The following TMPO variants were observed in gnomAD, a reference collection of about 807,000 sequenced individuals.
TMPO encodes the protein thymopoietin.
A neutral mutation model predicts 45.4 loss-of-function variants in TMPO; 22 were observed. The ratio of observed to expected loss-of-function variants is 0.48; its 90% CI spans 0.35 to 0.69. The LOEUF is 0.69. Among genes scored for constraint, TMPO ranks in the 30% least tolerant of loss-of-function variants. The probability of loss-of-function intolerance (pLI) is 0.01; values close to 1 mark genes in which losing one functional copy is unlikely to be tolerated. For synonymous variants in TMPO, 241 were observed against 204.1 expected (o/e 1.18, Z -1.54); for missense variants, 512 against 548.8 (o/e 0.93, Z 0.67).
At position 98,515,936 on chromosome 12, in the gene TMPO, C is replaced by CCT; in HGVS notation, c.69_70insCT (p.Asn24LeufsTer3). 1 of 1,613,716 alleles carries CCT rather than the reference C, an allele frequency of 6.2e-7. No individual in the cohort carries two copies. Among genetic ancestry groups the CCT allele is most frequent in the Non-Finnish European group, 8.5e-7 (1 of 1,179,872 alleles). On this transcript the variant is annotated frameshift_variant, in exon 1 of 9. Transcript: ENST00000556029. LOFTEE classifies it high-confidence loss of function. ...AGTTGAAGAGTGAGTTGGTCGCCAACAATGTGACGCTGCCGGCCGGGGAGC... is the reference window on the plus strand; with the variant it reads ...AGTTGAAGAGTGAGTTGGTCGCCAACCTAATGTGACGCTGCCGGCCGGGGAGC...
At chr12:98,527,267 G>A (rs1876835614) in intron 1 of TMPO, among the ~76,000 whole-genome samples, 1 of 147,946 alleles carries the variant, frequency 6.8e-6, no homozygotes, top group South Asian at 2.1e-4. Context: ...GGAGGCCAAG[G>A]TGGGCTGATC....
At chr12:98,518,632 C>T (rs1427802203) in intron 1 of TMPO, among the ~76,000 whole-genome samples, 2 of 151,900 alleles carry the variant, frequency 1.3e-5, no homozygotes, top group Admixed American at 6.6e-5. Flanking sequence ...TAATGTTTTC[C>T]TATCAGCCAC....
chr12:98,535,853 T>C (rs1324960366), intron 3 of TMPO, among the ~76,000 whole-genome samples: 1 of 152,206 alleles, frequency 6.6e-6, no homozygotes, highest in Non-Finnish European at 1.5e-5. Context: ...ATAAGAGGAA[T>C]TAATCTGTAA....
In TMPO at chr12:98,516,205, G is replaced by T. The variant is rs1017860981; in HGVS notation, c.279+59G>T. 9.9e-6 allele frequency: 13 copies of T among 1,318,034 alleles called. No homozygotes were observed. In the African/African-American group the frequency reaches 1.9e-4, roughly 19 times the overall value. 81.6% of individuals were successfully genotyped at this position (1,318,034 alleles called of 1,614,324 possible). On this transcript the variant is annotated intron_variant, in intron 1 of 8. Transcript: ENST00000556029. ...CGTTTGGCGGTTGCCGCGCGCGCTC[G>T]CCGCCGTTTGCAGCCCCTCCCTCCC...
Position 98,547,814 on chromosome 12 carries a change from C to G in TMPO, c.1321C>G (p.Pro441Ala). The change falls in exon 9 of 9, where the codon CCC (proline) becomes GCC (alanine). Residue 441 changes from proline to alanine, a missense_variant. By Grantham distance (27) the Pro-to-Ala change is conservative (BLOSUM62 -1). Around this residue, in one of 3 missense-constraint regions of TMPO, gnomAD observed 209 missense variants for 235.1 expected, o/e 0.89. Coordinates refer to ENST00000556029, the MANE Select transcript of TMPO (RefSeq NM_001032283.3). ...YQAMETNQVN[P>A]FSNFLHVDPR... is the part of the protein sequence containing the mutation. Reference sequence around the variant, plus strand: ...AGCTATGGAAACCAACCAAGTAAATCCCTTCTCTAATTTTCTTCATGTTGA... The same window carrying G: ...AGCTATGGAAACCAACCAAGTAAATGCCTTCTCTAATTTTCTTCATGTTGA... 6.2e-7 allele frequency: 1 copy of G among 1,614,036 alleles called. No individual in the cohort carries two copies. Among genetic ancestry groups the G allele is most frequent in the Non-Finnish European group, 8.5e-7 (1 of 1,180,022 alleles).
intron 4 of TMPO, 169 bp downstream of exon 4, chr12:98,537,741 T>C (rs139110072): frequency 2.9e-6 from 2 of 701,442 alleles, no homozygotes; most frequent in East Asian, 2.7e-5. Flanking sequence ...TTGTCAGTAG[T>C]GTAGCCTGTG....
intron 1 of TMPO, 108 bp from the exon 2 acceptor site, chr12:98,527,778 C>G (rs1876888399): frequency 7.5e-7 from 1 of 1,325,604 alleles, no homozygotes; most frequent in African/African-American, 1.5e-5. Flanking sequence ...CCTAATATTA[C>G]TATAAACCAA....
At chr12:98,531,407 T>G (rs566862916) in intron 2 of TMPO, among the ~76,000 whole-genome samples, 1 of 151,988 alleles carries the variant, frequency 6.6e-6, no homozygotes, top group Non-Finnish European at 1.5e-5. Flanking sequence ...CGGCTAATTT[T>G]TGTATTTTTA....
At chr12:98,538,069 A>G (rs1877682748) in intron 4 of TMPO, among the ~76,000 whole-genome samples, 1 of 152,078 alleles carries the variant, frequency 6.6e-6, no homozygotes, top group Admixed American at 6.6e-5. Context: ...ATTGTGGGAG[A>G]GGCGTTTCAG....
intron 3 of TMPO, chr12:98,534,244 G>C (rs1355605426): frequency 6.2e-7 from 1 of 1,613,826 alleles, no homozygotes. Context: ...AATTAATTTA[G>C]CTTCTAAGAA....
rs143062063 is a variant in TMPO, at chr12:98,526,259, T to C, written c.280-1627T>C. 9.2e-5 allele frequency among the ~76,000 whole-genome samples: 14 copies of C among 152,312 alleles called. No homozygotes were observed. The East Asian group carries it at 2.5e-3, about 27-fold the overall frequency. ...TCTGTCAGATTTCCTTCCTAAGTCA[T>C]AAACTAGCTACTAAAATAACTGTGT... On this transcript the variant is annotated intron_variant, in intron 1 of 8. Coordinates refer to ENST00000556029, the MANE Select transcript of TMPO (RefSeq NM_001032283.3).
intron 1 of TMPO, 122 bp downstream of exon 1, chr12:98,516,268 C>G: frequency 1.2e-5 from 15 of 1,253,688 alleles, no homozygotes; most frequent in East Asian, 3.3e-5. Flanking sequence ...GGGGCTGTCC[C>G]TGCGCCCCCT....
chr12:98,516,336 G>C, intron 1 of TMPO, 190 bp downstream of exon 1: 1 of 1,222,604 alleles, frequency 8.2e-7, no homozygotes, highest in Non-Finnish European at 1.0e-6. Flanking sequence ...CAGAAGTTGG[G>C]GCCGCGGGGT....
At chr12:98,530,182 A>C (rs139083836) in intron 2 of TMPO, among the ~76,000 whole-genome samples, 56 of 152,200 alleles carry the variant, frequency 3.7e-4, no homozygotes, top group African/African-American at 1.3e-3. Flanking sequence ...TATTTAAAAA[A>C]AAAAAAGTAG....
intron 3 of TMPO, chr12:98,534,467 T>G: frequency 6.5e-7 from 1 of 1,530,254 alleles, no homozygotes; most frequent in Non-Finnish European, 8.7e-7. Context: ...CTTCTACCCA[T>G]CAAATTACAG....
intron 2 of TMPO, among the ~76,000 whole-genome samples, chr12:98,529,914 A>T (rs989942986): frequency 2.0e-5 from 3 of 152,216 alleles, no homozygotes; most frequent in South Asian, 2.1e-4. Flanking sequence ...AGGTTTTGCT[A>T]TAGGTATAGT....
intron 2 of TMPO, among the ~76,000 whole-genome samples, chr12:98,529,841 G>A (rs929889292): frequency 1.3e-5 from 2 of 152,178 alleles, no homozygotes; most frequent in Non-Finnish European, 2.9e-5. Context: ...TTACAGGCAT[G>A]AGTCACTGCA....
intron 3 of TMPO, chr12:98,534,532 A>T (rs1020780867): frequency 7.2e-7 from 1 of 1,396,778 alleles, no homozygotes; most frequent in Non-Finnish European, 9.3e-7. Context: ...ATTTGCGTAG[A>T]TAGGAAGCCT....
rs1324886504 is a variant in TMPO, at chr12:98,515,985, C to T, written c.118C>T (p.Leu40Phe). Residue 40 changes from leucine to phenylalanine, a missense_variant, in exon 1 of 9, where the codon CTC (leucine) becomes TTC (phenylalanine). This residue lies in a region of TMPO where 299 missense variants were observed against 296.7 expected (regional missense o/e 1.01). Coordinates refer to ENST00000556029, the MANE Select transcript of TMPO (RefSeq NM_001032283.3). Reference protein sequence around the residue: ...GEQRKDVYVQLYLQHLTARNR... With the variant: ...GEQRKDVYVQFYLQHLTARNR... Reference sequence around the variant, plus strand: ...GCAGCGCAAAGACGTGTACGTCCAGCTCTACCTGCAGCACCTCACGGCTCG... The same window carrying T: ...GCAGCGCAAAGACGTGTACGTCCAGTTCTACCTGCAGCACCTCACGGCTCG... The T allele has an allele frequency of 6.2e-7, 1 of 1,612,838 alleles. No homozygotes were observed. Among genetic ancestry groups the T allele is most frequent in the South Asian group, 1.1e-5 (1 of 91,086 alleles).
Sources: gnomAD v4.1 joint callset for allele counts (sites outside exome capture counted in the v4.1 genomes callset) on GRCh38, gnomAD v4.1.1 for gene constraint, gnomAD v4.1.1 regional missense constraint, MANE v1.5 for transcripts, NCBI Gene and HGNC (gene_info 2026-07-23, HGNC 2026-07-21) for gene names.